TMC1: variants seen among roughly 807,000 people sequenced by gnomAD.
The protein encoded by TMC1 is transmembrane channel-like protein 1.
Under a neutral mutation model 105.8 loss-of-function variants are expected in TMC1, and 84 were observed. The observed-to-expected ratio is 0.79, with a 90% CI of 0.67 to 0.95. The LOEUF is 0.95. Among genes scored for constraint, TMC1 ranks in the 40% least tolerant of loss-of-function variants. The pLI is 0.00. For missense variants in TMC1, 817 were observed against 914.1 expected, an observed-to-expected ratio of 0.89 and a Z score of 1.37; for synonymous variants, 315 against 311.5, an observed-to-expected ratio of 1.01 and a Z score of -0.12.
At chr9:72,676,063 G>C (rs974422618) in intron 5 of TMC1, among the ~76,000 whole-genome samples, 5 of 152,166 alleles carry the variant, frequency 3.3e-5, no homozygotes, top group Admixed American at 1.3e-4. Flanking sequence ...AGAAAAAATT[G>C]GATGGGGAAG....
At chr9:72,536,411 C>A (rs1018067436) in intron 1 of TMC1, among the ~76,000 whole-genome samples, 1 of 152,162 alleles carries the variant, frequency 6.6e-6, no homozygotes, top group African/African-American at 2.4e-5. Context: ...CGGCTCACTG[C>A]AAGCTCTGCC....
intron 1 of TMC1, among the ~76,000 whole-genome samples, chr9:72,555,416 T>C (rs1823913382): frequency 6.6e-6 from 1 of 151,700 alleles, no homozygotes. Flanking sequence ...CTTGATCTCT[T>C]GACCTCGTGA....
At chr9:72,800,806 GT>G (rs959749876) in intron 17 of TMC1, among the ~76,000 whole-genome samples, 15 of 152,204 alleles carry the variant, frequency 9.9e-5, no homozygotes, top group African/African-American at 3.6e-4. Flanking sequence ...GGGAAAAGGG[GT>G]TGTGGTTCTG....
intron 6 of TMC1, 144 bp downstream of exon 6, chr9:72,688,900 G>A: frequency 1.3e-6 from 1 of 757,010 alleles, no homozygotes; most frequent in Non-Finnish European, 2.3e-6. Context: ...GAGGAATCAA[G>A]TTCAGCAAAC....
chr9:72,547,511 A>G (rs899892033), intron 1 of TMC1, among the ~76,000 whole-genome samples: 2 of 152,168 alleles, frequency 1.3e-5, no homozygotes, highest in Admixed American at 6.5e-5. Flanking sequence ...GTCCTTGGTC[A>G]TGATAGAGGT....
At chr9:72,536,985 T>C (rs1039627916) in intron 1 of TMC1, among the ~76,000 whole-genome samples, 2 of 152,168 alleles carry the variant, frequency 1.3e-5, no homozygotes, top group African/African-American at 4.8e-5. Flanking sequence ...GAAATCTAGG[T>C]GGAAGCTGCC....
chr9:72,624,397 AT>A (rs941050808), intron 3 of TMC1, among the ~76,000 whole-genome samples: 1 of 151,910 alleles, frequency 6.6e-6, no homozygotes, highest in African/African-American at 2.4e-5. Flanking sequence ...GTCCACATAC[AT>A]TTTTTTCCCC....
intron 23 of TMC1, among the ~76,000 whole-genome samples, chr9:72,835,038 T>C (rs1287473434): frequency 6.6e-6 from 1 of 152,232 alleles, no homozygotes; most frequent in East Asian, 1.9e-4. Flanking sequence ...AATTGATAAG[T>C]CATTATCATT....
intron 12 of TMC1, among the ~76,000 whole-genome samples, chr9:72,755,992 G>A (rs1195434284): frequency 6.6e-6 from 1 of 152,140 alleles, no homozygotes; most frequent in Non-Finnish European, 1.5e-5. Flanking sequence ...GAGCCTTGAA[G>A]TAAGAACCAC....
At chr9:72,730,388 C>A (rs966810830) in intron 8 of TMC1, among the ~76,000 whole-genome samples, 1 of 152,104 alleles carries the variant, frequency 6.6e-6, no homozygotes, top group Non-Finnish European at 1.5e-5. Flanking sequence ...GCTACTGAGG[C>A]CTTCCAGTGT....
rs1308253124 is a variant in TMC1 at position 72,521,699 on chromosome 9, C to G, written c.-642C>G. On this transcript the variant is annotated 5_prime_UTR_variant, in exon 1 of 24. Transcript: ENST00000297784. ...CGGAGGTTGCAGTGAGCTGAAATCA[C>G]GCCATTGCGCTCCAGCCTGGGTGAC... 1 of 151,878 alleles carries G rather than the reference C, an allele frequency of 6.6e-6. No homozygotes were observed. The highest frequency in any genetic ancestry group is 2.4e-5 in the African/African-American group (1 of 41,312). The allele number at this position is 151,878 out of a possible 1,614,324, so 9.4% of individuals were successfully genotyped here.
chr9:72,527,729 C>T (rs749821408), intron 1 of TMC1, among the ~76,000 whole-genome samples: 22 of 152,186 alleles, frequency 1.4e-4, no homozygotes, highest in Non-Finnish European at 1.6e-4. Flanking sequence ...GCTGATTGTT[C>T]TGTTGCCACT....
chr9:72,710,709 CT>C (rs34375363), intron 8 of TMC1, among the ~76,000 whole-genome samples: 34,635 of 152,072 alleles, frequency 0.23, 4,280 homozygotes, highest in East Asian at 0.38. Context: ...ATTTTCCACC[CT>C]TTTACCTCAA....
chr9:72,666,036 C>T (rs1826037001), intron 5 of TMC1, among the ~76,000 whole-genome samples: 1 of 152,154 alleles, frequency 6.6e-6, no homozygotes, highest in Non-Finnish European at 1.5e-5. Context: ...GCAGAGCTAC[C>T]AGACTACATA....
At chr9:72,790,619 A>G (rs951949395) in intron 15 of TMC1, among the ~76,000 whole-genome samples, 1 of 152,268 alleles carries the variant, frequency 6.6e-6, no homozygotes, top group South Asian at 2.1e-4. Context: ...TTGATTATCA[A>G]TAAAATAACT....
intron 17 of TMC1, among the ~76,000 whole-genome samples, chr9:72,798,464 C>T (rs1457714036): frequency 2.0e-5 from 3 of 152,050 alleles, no homozygotes; most frequent in Non-Finnish European, 4.4e-5. Flanking sequence ...ACCTAAATGT[C>T]CATCAATGAC....
chr9:72,615,228 C>A (rs982273688), intron 2 of TMC1, among the ~76,000 whole-genome samples: 3 of 152,082 alleles, frequency 2.0e-5, no homozygotes, highest in Non-Finnish European at 4.4e-5. Flanking sequence ...TATTTTAATT[C>A]TCCTGGTAAA....
At chr9:72,593,519 A>G (rs765865317) in intron 2 of TMC1, among the ~76,000 whole-genome samples, 7 of 151,570 alleles carry the variant, frequency 4.6e-5, no homozygotes, top group South Asian at 4.2e-4. Flanking sequence ...TGGCCTCCTG[A>G]GTAGCTGGGA....
rs539004310 is a variant in TMC1, at chr9:72,788,553, T to C, written c.1029+70T>C. 6.7e-6 allele frequency: 10 copies of C among 1,485,786 alleles called. No individual in the cohort carries two copies. The Admixed American group carries it at 1.5e-4, about 22-fold the overall frequency. The allele number at this position is 1,485,786 out of a possible 1,614,324, so 92.0% of individuals were successfully genotyped here. ...GTAAAATTGGAGGCATTCCATCTGG[T>C]CCAGTAGTGCAGTATCTTGACAATT... On this transcript the variant is annotated intron_variant, in intron 14 of 23. Transcript: ENST00000297784.
Sources: gnomAD v4.1 joint callset for allele counts (sites outside exome capture counted in the v4.1 genomes callset) on GRCh38, gnomAD v4.1.1 for gene constraint, MANE v1.5 for transcripts, NCBI Gene and HGNC (gene_info 2026-07-23, HGNC 2026-07-21) for gene names.